STX1A: variants seen among roughly 807,000 people sequenced by gnomAD.
STX1A encodes syntaxin 1A.
A neutral mutation model predicts 37.8 loss-of-function variants in STX1A; 4 were observed. The observed-to-expected ratio is 0.11, with a 90% confidence interval of 0.05 to 0.24. The LOEUF (loss-of-function observed/expected upper bound fraction) is 0.24. STX1A is among the 10% of genes least tolerant of loss of function. The pLI is 1.00. For synonymous variants in STX1A, 135 were observed against 147.4 expected (o/e 0.92, Z 0.61); for missense variants, 251 against 399.9 (o/e 0.63, Z 3.18).
Position 73,717,723 on chromosome 7 carries a change from A to G in STX1A, c.30+1879T>C, listed in dbSNP as rs533122442. 6.6e-5 allele frequency among the ~76,000 whole-genome samples: 10 copies of G among 152,276 alleles called. No individual in the cohort carries two copies. The South Asian group carries it at 2.1e-3, about 32-fold the overall frequency. On this transcript the variant is annotated intron_variant, in intron 1 of 9. Coordinates refer to ENST00000222812, the MANE Select transcript of STX1A (RefSeq NM_004603.4). The surrounding 1 kb of genome is among the most constrained non-coding windows in gnomAD (Gnocchi z 4.1). ...TGGAGCGGAAGCCTCAGACCATTCA[A>G]AGCAAAGCCTGGCTTCACCATCTAA...
chr7:73,718,658 C>G (rs1292405952), intron 1 of STX1A, among the ~76,000 whole-genome samples: 9 of 151,890 alleles, frequency 5.9e-5, no homozygotes, highest in African/African-American at 2.2e-4. Flanking sequence ...ATTTCCGTCG[C>G]TGTCCTCCAC....
intron 1 of STX1A, among the ~76,000 whole-genome samples, chr7:73,712,475 C>G (rs901993158): frequency 1.3e-5 from 2 of 152,018 alleles, no homozygotes; most frequent in African/African-American, 4.8e-5. Context: ...TCCCTGCCCC[C>G]CCAAATCAGT....
Position 73,706,941 on chromosome 7 carries a change from T to G in STX1A, c.208+1648A>C, listed in dbSNP as rs1798895726. On this transcript the variant is annotated intron_variant, in intron 3 of 9. Transcript: ENST00000222812. This position sits in a 1 kb window ranked among gnomAD's most constrained non-coding sequence, Gnocchi z 4.6. ...GTCCACCCTGCTCCCACCTGACCCA[T>G]TTTGCCTTCTGAGGGCGGGGCACTG... Among the ~76,000 whole-genome samples the G allele has an allele frequency of 6.6e-6, 1 of 152,150 alleles. No homozygotes were observed. The highest frequency in any genetic ancestry group is 6.5e-5 in the Admixed American group (1 of 15,276).
At chr7:73,704,624 G>C (rs1180375327) in intron 4 of STX1A, 4 of 640,228 alleles carry the variant, frequency 6.2e-6, no homozygotes, top group Non-Finnish European at 1.1e-5. Context: ...GTGTGCATGT[G>C]TGTAAATGCA....
Position 73,702,380 on chromosome 7 carries a change from C to T in STX1A, c.678+465G>A, listed in dbSNP as rs1025900948. On this transcript the variant is annotated intron_variant, in intron 8 of 9. Coordinates refer to ENST00000222812, the MANE Select transcript of STX1A (RefSeq NM_004603.4). This position sits in a 1 kb window ranked among gnomAD's most constrained non-coding sequence, Gnocchi z 4.7. ...TCACCTCAGCTGCCAGTCTCTGGGACGGGGACCTGGAAACTTACAAGTCCT... is the reference window on the plus strand; with the variant it reads ...TCACCTCAGCTGCCAGTCTCTGGGATGGGGACCTGGAAACTTACAAGTCCT... 7.9e-5 allele frequency among the ~76,000 whole-genome samples: 12 copies of T among 152,126 alleles called. No homozygotes were observed. The highest frequency in any genetic ancestry group is 1.9e-4 in the African/African-American group (8 of 41,422).
At position 73,700,469 on chromosome 7, in the gene STX1A, T is replaced by C; in HGVS notation, c.805A>G (p.Ile269Val). The change falls in exon 10 of 10, where the codon ATC becomes GTC. Residue 269 changes from isoleucine to valine, a missense_variant. Ile to Val is a conservative substitution (Grantham distance 29). This residue lies in a region of STX1A where 214 missense variants were observed against 367.6 expected (regional missense o/e 0.58). Transcript: ENST00000222812. This position sits in a 1 kb window ranked among gnomAD's most constrained non-coding sequence, Gnocchi z 4.4. ...ATGCCCAGGATCACACAGCAGATGA[T>C]GATCATGATTTTCTTCTGCATGGGA... ...SKARRKKIMI[I>V]ICCVILGIVI... The C allele has an allele frequency of 6.2e-7, 1 of 1,613,802 alleles. No homozygotes were observed. The highest frequency in any genetic ancestry group is 8.5e-7 in the Non-Finnish European group (1 of 1,179,950).
chr7:73,715,780 C>T (rs1396134026), intron 1 of STX1A, among the ~76,000 whole-genome samples: 1 of 152,212 alleles, frequency 6.6e-6, no homozygotes, highest in African/African-American at 2.4e-5. Flanking sequence ...TTTTTCCCTT[C>T]TTCTTTTAAA....
intron 4 of STX1A, 194 bp downstream of exon 4, chr7:73,704,956 C>A: frequency 1.5e-6 from 1 of 651,918 alleles, no homozygotes. Flanking sequence ...GTGGGTGTGT[C>A]CCTGGGCCCA....
intron 1 of STX1A, among the ~76,000 whole-genome samples, chr7:73,712,476 C>A (rs933604695): frequency 6.6e-6 from 1 of 152,040 alleles, no homozygotes; most frequent in African/African-American, 2.4e-5. Flanking sequence ...CCCTGCCCCC[C>A]CAAATCAGTA....
At chr7:73,701,052 G>T in intron 8 of STX1A, 1 of 907,610 alleles carries the variant, frequency 1.1e-6, no homozygotes, top group Non-Finnish European at 1.6e-6. Context: ...TTTCCCCGCA[G>T]AGCAGCAATC....
chr7:73,700,457 C>T lies in STX1A; in HGVS notation c.817G>A (p.Val273Met). 6.2e-7 allele frequency: 1 copy of T among 1,614,050 alleles called. No individual in the cohort carries two copies. The highest frequency in any genetic ancestry group is 1.7e-5 in the Admixed American group (1 of 60,002). ...RKKIMIIICC[V>M]ILGIVIASTV... ...GAGGCGATGACGATGCCCAGGATCA[C>T]ACAGCAGATGATGATCATGATTTTC... The change falls in exon 10 of 10, where the codon GTG becomes ATG. Residue 273 changes from valine (V) to methionine (M), a missense_variant. Physicochemically the swap from Val to Met is conservative, Grantham distance 21. Around this residue, in one of 2 missense-constraint regions of STX1A, gnomAD observed 214 missense variants for 367.6 expected, o/e 0.58. Transcript: ENST00000222812. This position sits in a 1 kb window ranked among gnomAD's most constrained non-coding sequence, Gnocchi z 4.4.
In STX1A at chr7:73,706,176, G is replaced by A. The variant is rs541524125; in HGVS notation, c.209-952C>T. ...GCTGGGGTTTGTCCTAGAGGGGACA[G>A]GGAGGGGTGTTGAGAGTGGTCTATC... On this transcript the variant is annotated intron_variant, in intron 3 of 9. Coordinates refer to ENST00000222812, the MANE Select transcript of STX1A (RefSeq NM_004603.4). This position sits in a 1 kb window ranked among gnomAD's most constrained non-coding sequence, Gnocchi z 4.6. Among the ~76,000 whole-genome samples the A allele has an allele frequency of 5.3e-5, 8 of 152,230 alleles. No homozygotes were observed. The highest frequency in any genetic ancestry group is 5.2e-4 in the Admixed American group (8 of 15,292).
chr7:73,700,315 G>A lies in STX1A; in HGVS notation c.*92C>T, dbSNP rs72555387. On this transcript the variant is annotated 3_prime_UTR_variant, in exon 10 of 10. Coordinates refer to ENST00000222812, the MANE Select transcript of STX1A (RefSeq NM_004603.4). This position sits in a 1 kb window ranked among gnomAD's most constrained non-coding sequence, Gnocchi z 4.4. ...GGAGGGAGGGTGCTCTGAGCCAGAG[G>A]CGGGGGTTGGGAGGGCAGCCCAGCC... is the stretch of plus-strand genomic sequence containing the variant. The A allele has an allele frequency of 0.035, 44,836 of 1,280,220 alleles. 874 individuals carry two copies. The highest frequency in any genetic ancestry group is 0.04 in the African/African-American group (2,762 of 68,574). 79.3% of individuals were successfully genotyped at this position (1,280,220 alleles called of 1,614,324 possible).
chr7:73,703,063 T>TGGGGGTTTGGGGGG, intron 7 of STX1A, 81 bp from the exon 8 acceptor site: 1 of 377,638 alleles, frequency 2.6e-6, no homozygotes, highest in Non-Finnish European at 4.5e-6. Context: ...GCGTTTGGGG[T>TGGGGGTTTGGGGGG]GGGCAGAGCT....
rs782612195 is a variant in STX1A, at chr7:73,704,146, A to G, written c.466+2T>C. ...CCGCCCCAGGCCCCACCCCCAGCTC[A>G]CTGATCTCCAGCTGCCTCTGGATGC... On this transcript the variant is annotated splice_donor_variant, in intron 6 of 9. Transcript: ENST00000222812. LOFTEE classifies it high-confidence loss of function. The G allele has an allele frequency of 6.3e-7, 1 of 1,596,170 alleles. No individual in the cohort carries two copies. Among genetic ancestry groups the G allele is most frequent in the Admixed American group, 1.7e-5 (1 of 59,484 alleles).
At position 73,704,256 on chromosome 7, in the gene STX1A, G is replaced by A; in HGVS notation, c.358C>T (p.His120Tyr). Reference sequence around the variant, plus strand: ...ACAAACTTTCTGGACAGCGTGGAGTGCTGGGGGCCCGAGATGGAGGTGCAG... The same window carrying A: ...ACAAACTTTCTGGACAGCGTGGAGTACTGGGGGCCCGAGATGGAGGTGCAG... The part of the protein sequence containing the change: ...SADLRIRKTQ[H>Y]STLSRKFVEV... The change falls in exon 6 of 10, where the codon CAC (histidine) becomes TAC (tyrosine). Residue 120 changes from histidine to tyrosine, a missense_variant and splice_region_variant. By Grantham distance (83) the His-to-Tyr change is moderately conservative. Transcript: ENST00000222812. 6.2e-7 allele frequency: 1 copy of A among 1,614,072 alleles called. No individual in the cohort carries two copies. Among genetic ancestry groups the A allele is most frequent in the Non-Finnish European group, 8.5e-7 (1 of 1,180,000 alleles).
In STX1A at chr7:73,699,410, T is replaced by C. The variant is rs1798565879; in HGVS notation, c.*997A>G. ...CCATCCCCTGCTGCATGCACTCGCA[T>C]GCATCTCCCTGCCTGTCCACAAGGG... On this transcript the variant is annotated 3_prime_UTR_variant, in exon 10 of 10. Transcript: ENST00000222812. 6.6e-6 allele frequency: 1 copy of C among 152,566 alleles called. No individual in the cohort carries two copies. The highest frequency in any genetic ancestry group is 2.4e-5 in the African/African-American group (1 of 41,420). The allele number at this position is 152,566 out of a possible 1,614,324, so 9.5% of individuals were successfully genotyped here.
Position 73,702,785 on chromosome 7 carries a change from T to A in STX1A, c.678+60A>T. 6.2e-7 allele frequency: 1 copy of A among 1,611,046 alleles called. No individual in the cohort carries two copies. Among genetic ancestry groups the A allele is most frequent in the Non-Finnish European group, 8.5e-7 (1 of 1,177,984 alleles). On this transcript the variant is annotated intron_variant, in intron 8 of 9. Transcript: ENST00000222812. This position sits in a 1 kb window ranked among gnomAD's most constrained non-coding sequence, Gnocchi z 4.7. ...GCGTGTCGGGCAGAAAGGGCGAGGT[T>A]AGTGCAGCCCTGGGTGCTGGTGTGG...
intron 1 of STX1A, among the ~76,000 whole-genome samples, chr7:73,718,935 A>G (rs1799390282): frequency 6.7e-6 from 1 of 149,354 alleles, no homozygotes; most frequent in South Asian, 2.1e-4. Flanking sequence ...CCGAAGGTGG[A>G]TAGGTGGACC....
Sources: gnomAD v4.1 joint callset for allele counts (sites outside exome capture counted in the v4.1 genomes callset) on GRCh38, gnomAD v4.1.1 for gene constraint, gnomAD v4.1.1 regional missense constraint, Gnocchi (gnomAD v3.1) non-coding constraint, MANE v1.5 for transcripts, NCBI Gene and HGNC (gene_info 2026-07-23, HGNC 2026-07-21) for gene names.